Variants in HIVEP2 observed in about 807,000 individuals in gnomAD.
HIVEP2 encodes the protein HIVEP zinc finger 2.
In HIVEP2, 14 loss-of-function variants were observed where a neutral mutation model predicts 180.7. That is an observed-to-expected ratio of 0.08 (90% CI 0.05 to 0.12). HIVEP2 has a LOEUF of 0.12. Among genes scored for constraint, HIVEP2 ranks in the 10% least tolerant of loss-of-function variants. HIVEP2 has a pLI of 1.00. For missense variants in HIVEP2, 2,579 were observed against 3,008.5 expected (o/e 0.86, Z 3.34); for synonymous variants, 1,184 against 1,136.4 (o/e 1.04, Z -0.84).
chr6:142,926,652 A>T (rs1362662001), intron 1 of HIVEP2, among the ~76,000 whole-genome samples: 1 of 152,120 alleles, frequency 6.6e-6, no homozygotes, highest in African/African-American at 2.4e-5. Context: ...TGAGTCAGGG[A>T]GGTGCCAGTG....
intron 1 of HIVEP2, among the ~76,000 whole-genome samples, chr6:142,847,110 G>A (rs182493693): frequency 2.7e-4 from 41 of 152,284 alleles, no homozygotes; most frequent in Admixed American, 2.7e-3. Context: ...ACTCCCAGCA[G>A]CACATGCTCC....
At chr6:142,853,068 G>A (rs1358909036) in intron 1 of HIVEP2, among the ~76,000 whole-genome samples, 1 of 151,708 alleles carries the variant, frequency 6.6e-6, no homozygotes, top group African/African-American at 2.4e-5. Context: ...TTTTCTTATT[G>A]ACTTCCTTCA....
chr6:142,857,096 C>G (rs78035912), intron 1 of HIVEP2, among the ~76,000 whole-genome samples: 1 of 152,070 alleles, frequency 6.6e-6, no homozygotes, highest in Non-Finnish European at 1.5e-5. Context: ...GAAACAACAT[C>G]TCTGTAACCC....
chr6:142,901,792 A>T (rs533788429), intron 1 of HIVEP2, among the ~76,000 whole-genome samples: 1 of 152,314 alleles, frequency 6.6e-6, no homozygotes, highest in African/African-American at 2.4e-5. Flanking sequence ...CATGCATTAC[A>T]ACTTGACTAC....
chr6:142,941,795 G>T (rs1453876831), intron 1 of HIVEP2, among the ~76,000 whole-genome samples: 1 of 152,130 alleles, frequency 6.6e-6, no homozygotes, highest in East Asian at 1.9e-4. Context: ...AATTCATGAT[G>T]AATTCACATA....
At chr6:142,762,706 A>G (rs1280810110) in intron 7 of HIVEP2, among the ~76,000 whole-genome samples, 1 of 152,192 alleles carries the variant, frequency 6.6e-6, no homozygotes, top group African/African-American at 2.4e-5. Flanking sequence ...TTCCTCTGGT[A>G]GGGGTGTTCA....
Position 142,769,696 on chromosome 6 carries a change from G to A in HIVEP2, c.5043C>T (p.Asn1681=). 6.2e-7 allele frequency: 1 copy of A among 1,614,200 alleles called. No homozygotes were observed. The highest frequency in any genetic ancestry group is 8.5e-7 in the Non-Finnish European group (1 of 1,180,032). Residue 1681 remains asparagine, a synonymous_variant, in exon 5 of 10, where the codon AAC becomes AAT. Transcript: ENST00000367603. The part of the protein sequence containing the change: ...ASWCISSCNP[N]PSGLNTKTTL... ...TGGTCTTGGTGTTCAATCCTGATGG[G>A]TTTGGATTACAGGAACTAATGCACC...
chr6:142,903,381 T>C (rs1777179049), intron 1 of HIVEP2, among the ~76,000 whole-genome samples: 1 of 152,214 alleles, frequency 6.6e-6, no homozygotes, highest in Admixed American at 6.5e-5. Flanking sequence ...TACAGTGTCC[T>C]GGACTTGGAC....
At chr6:142,933,436 T>C (rs1777984754) in intron 1 of HIVEP2, among the ~76,000 whole-genome samples, 1 of 152,230 alleles carries the variant, frequency 6.6e-6, no homozygotes, top group Non-Finnish European at 1.5e-5. Context: ...TTCAAAGCAA[T>C]GGGAATTTTG....
chr6:142,817,219 G>T (rs1468632711), intron 2 of HIVEP2, among the ~76,000 whole-genome samples: 1 of 152,066 alleles, frequency 6.6e-6, no homozygotes, highest in African/African-American at 2.4e-5. Context: ...AAAATTACTT[G>T]GTAATTAACC....
chr6:142,930,102 T>C (rs1268563356), intron 1 of HIVEP2, among the ~76,000 whole-genome samples: 2 of 152,226 alleles, frequency 1.3e-5, no homozygotes, highest in Non-Finnish European at 2.9e-5. Flanking sequence ...CTCTTCTTTC[T>C]GAGGTCCACA....
rs573901369 is a variant in HIVEP2, at chr6:142,868,744, A to G, written c.-640-31697T>C. Among the ~76,000 whole-genome samples the G allele has an allele frequency of 5.9e-5, 9 of 152,352 alleles. No homozygotes were observed. In the East Asian group the frequency reaches 1.2e-3, roughly 20 times the overall value. On this transcript the variant is annotated intron_variant, in intron 1 of 9. Transcript: ENST00000367603. Reference sequence around the variant, plus strand: ...GGGGATATATCTATTTTGAAAGAAAATAAGGGGATAAAACATTATTTCAAA... The same window carrying G: ...GGGGATATATCTATTTTGAAAGAAAGTAAGGGGATAAAACATTATTTCAAA...
In HIVEP2 at chr6:142,870,462, CCTT is replaced by C. The variant is rs1021060819; in HGVS notation, c.-640-33418_-640-33416del. Reference sequence around the variant, plus strand: ...TTGCGGAATGTACAATAGGGCCTCTCCTTCTTCTTTCTCTGACGTCCCATGAGC... The same window carrying C: ...TTGCGGAATGTACAATAGGGCCTCTCCTTCTTTCTCTGACGTCCCATGAGC... On this transcript the variant is annotated intron_variant, in intron 1 of 9. Coordinates refer to ENST00000367603, the MANE Select transcript of HIVEP2 (RefSeq NM_006734.4). Among the ~76,000 whole-genome samples the C allele has an allele frequency of 4.6e-5, 7 of 152,282 alleles. No individual in the cohort carries two copies. The East Asian group carries it at 7.7e-4, about 17-fold the overall frequency.
intron 1 of HIVEP2, among the ~76,000 whole-genome samples, chr6:142,916,450 C>T (rs1295318708): frequency 2.6e-5 from 4 of 152,250 alleles, no homozygotes; most frequent in South Asian, 2.1e-4. Context: ...TGTTCCTTTA[C>T]GCCTTTGATT....
chr6:142,782,391 C>T (rs370831770), intron 3 of HIVEP2, among the ~76,000 whole-genome samples: 3 of 152,154 alleles, frequency 2.0e-5, no homozygotes, highest in African/African-American at 7.2e-5. Context: ...GCCCAACCAC[C>T]GCTCAGAGCA....
At chr6:142,841,375 T>A (rs1775358213) in intron 1 of HIVEP2, among the ~76,000 whole-genome samples, 1 of 152,144 alleles carries the variant, frequency 6.6e-6, no homozygotes, top group Non-Finnish European at 1.5e-5. Context: ...GAACTTTTGT[T>A]CAGACTGCCA....
At chr6:142,822,159 G>A (rs1777058926) in intron 2 of HIVEP2, among the ~76,000 whole-genome samples, 1 of 152,178 alleles carries the variant, frequency 6.6e-6, no homozygotes, top group South Asian at 2.1e-4. Flanking sequence ...TTAATCTGCA[G>A]TAAAACACAG....
intron 1 of HIVEP2, among the ~76,000 whole-genome samples, chr6:142,926,645 G>A (rs1031103246): frequency 6.6e-5 from 10 of 152,198 alleles, no homozygotes; most frequent in Non-Finnish European, 1.3e-4. Context: ...CGTCCTCTGA[G>A]TCAGGGAGGT....
intron 1 of HIVEP2, among the ~76,000 whole-genome samples, chr6:142,885,336 C>A (rs531152172): frequency 6.6e-6 from 1 of 152,180 alleles, no homozygotes; most frequent in African/African-American, 2.4e-5. Context: ...TTCTCCCTCC[C>A]CTTTCTTCTC....
Sources: allele counts gnomAD v4.1 joint callset (sites outside exome capture counted in the v4.1 genomes callset), GRCh38; gene constraint gnomAD v4.1.1; transcripts MANE v1.5; gene names NCBI Gene and HGNC (gene_info 2026-07-23, HGNC 2026-07-21).